KIAA1217: variants seen among roughly 807,000 people sequenced by gnomAD.
The protein encoded by KIAA1217 is sickle tail protein homolog.
KIAA1217 carries 88 observed loss-of-function variants against 163.9 expected under a neutral mutation model. That is an observed-to-expected ratio of 0.54 (90% CI 0.45 to 0.64). The LOEUF is 0.64. Among genes scored for constraint, KIAA1217 ranks in the 30% least tolerant of loss-of-function variants. KIAA1217 has a pLI of 0.00. For missense variants in KIAA1217, 2,372 were observed against 2,475.0 expected (o/e 0.96, Z 0.88); for synonymous variants, 903 against 923.1 (o/e 0.98, Z 0.39).
At chr10:24,533,937 C>T (rs2073533880) in intron 16 of KIAA1217, among the ~76,000 whole-genome samples, 1 of 152,338 alleles carries the variant, frequency 6.6e-6, no homozygotes, top group African/African-American at 2.4e-5. Context: ...GTCCTGAGAA[C>T]TTGTCTCATC....
intron 1 of KIAA1217, among the ~76,000 whole-genome samples, chr10:23,915,560 G>A (rs1362856073): frequency 6.6e-6 from 1 of 152,256 alleles, no homozygotes; most frequent in African/African-American, 2.4e-5. Flanking sequence ...ATACACCAAG[G>A]TAATGTACCA....
chr10:24,356,960 G>T (rs2049190682), intron 2 of KIAA1217, among the ~76,000 whole-genome samples: 1 of 152,184 alleles, frequency 6.6e-6, no homozygotes, highest in African/African-American at 2.4e-5. Context: ...TCATTTTAAT[G>T]CATAAGGAAA....
chr10:24,494,854 TG>T (rs1180325686), intron 7 of KIAA1217: 3 of 571,506 alleles, frequency 5.2e-6, no homozygotes, highest in Non-Finnish European at 6.2e-6. Flanking sequence ...TCCCAGTGCA[TG>T]TGGCTTCATG....
At chr10:23,977,775 T>A (rs1845599624) in intron 1 of KIAA1217, among the ~76,000 whole-genome samples, 1 of 152,178 alleles carries the variant, frequency 6.6e-6, no homozygotes, top group Non-Finnish European at 1.5e-5. Flanking sequence ...GTTTCCCTTT[T>A]AAGTTAATGC....
chr10:23,800,778 C>G (rs1423239131), intron 1 of KIAA1217, among the ~76,000 whole-genome samples: 2 of 152,096 alleles, frequency 1.3e-5, no homozygotes, highest in Non-Finnish European at 2.9e-5. Flanking sequence ...CAATGAGATA[C>G]CATCGCACGG....
At chr10:23,979,118 A>T (rs977019116) in intron 1 of KIAA1217, among the ~76,000 whole-genome samples, 1 of 152,208 alleles carries the variant, frequency 6.6e-6, no homozygotes, top group Admixed American at 6.5e-5. Flanking sequence ...AATGAATGAC[A>T]AAAGGTCTTG....
intron 2 of KIAA1217, among the ~76,000 whole-genome samples, chr10:24,353,927 G>A (rs2048763307): frequency 6.6e-6 from 1 of 152,182 alleles, no homozygotes; most frequent in South Asian, 2.1e-4. Context: ...TATTCCTCCA[G>A]CTGGCAGAGT....
At chr10:24,484,239 A>ATATATATATATATATT (rs2065076090) in intron 6 of KIAA1217, among the ~76,000 whole-genome samples, 1 of 86,196 alleles carries the variant, frequency 1.2e-5, no homozygotes, top group Non-Finnish European at 2.3e-5. Flanking sequence ...ATATATATAT[A>ATATATATATATATATT]TATTTTTTTT....
intron 2 of KIAA1217, among the ~76,000 whole-genome samples, chr10:24,129,621 T>A (rs1238643203): frequency 6.6e-6 from 1 of 152,150 alleles, no homozygotes; most frequent in Non-Finnish European, 1.5e-5. Flanking sequence ...CATATGACTC[T>A]GCTACTGTAT....
At chr10:24,311,337 G>T (rs1325272295) in intron 2 of KIAA1217, among the ~76,000 whole-genome samples, 5 of 152,226 alleles carry the variant, frequency 3.3e-5, no homozygotes, top group Non-Finnish European at 7.3e-5. Context: ...CGTGGTTGAA[G>T]TGTCTTGAGG....
intron 5 of KIAA1217, among the ~76,000 whole-genome samples, chr10:24,451,119 T>G (rs547598684): frequency 6.6e-6 from 1 of 152,136 alleles, no homozygotes; most frequent in Non-Finnish European, 1.5e-5. Flanking sequence ...AAAAGCACTT[T>G]GGATAAACGA....
chr10:24,415,625 A>G (rs1403582625), intron 3 of KIAA1217, among the ~76,000 whole-genome samples: 3 of 152,130 alleles, frequency 2.0e-5, no homozygotes, highest in Admixed American at 2.0e-4. Context: ...TGAGGCCAAC[A>G]GATCGGTCTC....
At chr10:24,049,289 A>G (rs1282537756) in intron 2 of KIAA1217, among the ~76,000 whole-genome samples, 1 of 152,176 alleles carries the variant, frequency 6.6e-6, no homozygotes, top group African/African-American at 2.4e-5. Context: ...AACTAAATGC[A>G]CTTGCATTAG....
At chr10:24,365,939 T>C (rs375745970) in intron 2 of KIAA1217, among the ~76,000 whole-genome samples, 2 of 152,320 alleles carry the variant, frequency 1.3e-5, no homozygotes, top group Admixed American at 6.5e-5. Flanking sequence ...ATTGTATAAT[T>C]CAATCATGAC....
chr10:24,152,740 AC>A (rs1431777051), intron 2 of KIAA1217, among the ~76,000 whole-genome samples: 1 of 151,258 alleles, frequency 6.6e-6, no homozygotes, highest in Non-Finnish European at 1.5e-5. Flanking sequence ...AAAAAAAAAA[AC>A]TCTTTGTAAA....
At chr10:24,345,457 T>G (rs1281245865) in intron 2 of KIAA1217, among the ~76,000 whole-genome samples, 4 of 152,204 alleles carry the variant, frequency 2.6e-5, no homozygotes. Context: ...AGGGCATGGT[T>G]TAAGATCTCA....
chr10:24,142,095 T>G (rs2064111123), intron 2 of KIAA1217, among the ~76,000 whole-genome samples: 1 of 151,966 alleles, frequency 6.6e-6, no homozygotes, highest in Non-Finnish European at 1.5e-5. Context: ...TTCTATTAAG[T>G]CTTCAAAAGC....
At position 24,467,579 on chromosome 10, in the gene KIAA1217, C is replaced by T. The variant is rs16924799; in HGVS notation, c.847-5649C>T. 2.6e-5 allele frequency among the ~76,000 whole-genome samples: 4 copies of T among 152,226 alleles called. No individual in the cohort carries two copies. The East Asian group carries it at 5.8e-4, about 22-fold the overall frequency. Reference sequence around the variant, plus strand: ...TAGAAGAATCTTTATTTTTCTGTGTCGGTCATCTCTTTCTTGCTGTAAAAT... The same window carrying T: ...TAGAAGAATCTTTATTTTTCTGTGTTGGTCATCTCTTTCTTGCTGTAAAAT... On this transcript the variant is annotated intron_variant, in intron 5 of 20. Transcript: ENST00000376454.
chr10:24,112,400 C>T (rs2131746510), intron 2 of KIAA1217, among the ~76,000 whole-genome samples: 1 of 152,208 alleles, frequency 6.6e-6, no homozygotes, highest in Middle Eastern at 3.4e-3. Flanking sequence ...TGTTTTATTC[C>T]ATAGGCTCAA....
Sources: gnomAD v4.1 joint callset for allele counts (sites outside exome capture counted in the v4.1 genomes callset) on GRCh38, gnomAD v4.1.1 for gene constraint, MANE v1.5 for transcripts, NCBI Gene and HGNC (gene_info 2026-07-23, HGNC 2026-07-21) for gene names.